The following SEPTIN9 variants were observed in gnomAD, a reference collection of about 807,000 sequenced individuals.
SEPTIN9 encodes the protein septin 9, also known as septin-9.
A neutral mutation model predicts 56.6 loss-of-function variants in SEPTIN9; 13 were observed. That is an observed-to-expected ratio of 0.23 (90% confidence interval 0.15 to 0.37). The LOEUF (loss-of-function observed/expected upper bound fraction) is 0.37. Ranked by LOEUF, SEPTIN9 falls within the 10% of genes least tolerant of loss-of-function variation. The probability of loss-of-function intolerance (pLI) is 1.00; values close to 1 mark genes in which losing one functional copy is unlikely to be tolerated. For missense variants in SEPTIN9, 650 were observed against 823.1 expected (o/e 0.79, Z 2.57); for synonymous variants, 332 against 334.1 (o/e 0.99, Z 0.07).
chr17:77,454,320 G>A (rs2144432823), intron 3 of SEPTIN9: 3 of 985,512 alleles, frequency 3.0e-6, no homozygotes, highest in South Asian at 4.7e-5. Context: ...TTCCGGCGCC[G>A]AGCTTTGATT....
rs778614342 is a variant in SEPTIN9 at position 77,405,727 on chromosome 17, C to T, written c.721+3024C>T. On this transcript the variant is annotated intron_variant, in intron 3 of 11. Transcript: ENST00000427177. This position sits in a 1 kb window ranked among gnomAD's most constrained non-coding sequence, Gnocchi z 5.8. ...GCCTGAGCCCCACTAGTTCTTCCTC[C>T]GAGGCACCACCTGCTTGCTTCTCCG... Among the ~76,000 whole-genome samples the T allele has an allele frequency of 5.3e-5, 8 of 152,102 alleles. No homozygotes were observed. The highest frequency in any genetic ancestry group is 3.9e-4 in the Admixed American group (6 of 15,272).
chr17:77,364,954 AG>A (rs1277687949), intron 2 of SEPTIN9, among the ~76,000 whole-genome samples: 3 of 152,218 alleles, frequency 2.0e-5, no homozygotes, highest in African/African-American at 7.2e-5. Flanking sequence ...AGTTCTCTAA[AG>A]GGCCCCAGAG....
chr17:77,496,600 C>T (rs117913062), intron 10 of SEPTIN9, among the ~76,000 whole-genome samples: 2,831 of 152,372 alleles, frequency 0.019, 55 homozygotes, highest in Middle Eastern at 0.065. Context: ...GCCACCAGCT[C>T]GAGCCCGAGG....
chr17:77,466,560 A>G, intron 3 of SEPTIN9: 1 of 985,532 alleles, frequency 1.0e-6, no homozygotes, highest in East Asian at 1.1e-4. Context: ...GGAGTCCCAC[A>G]GTAGGTCAAC....
Position 77,371,950 on chromosome 17 carries a change from G to A in SEPTIN9, c.77-30109G>A, listed in dbSNP as rs951899325. Among the ~76,000 whole-genome samples the A allele has an allele frequency of 1.2e-4, 18 of 152,062 alleles. No homozygotes were observed. Among genetic ancestry groups the A allele is most frequent in the African/African-American group, 4.3e-4 (18 of 41,396 alleles). On this transcript the variant is annotated intron_variant, in intron 2 of 11. Transcript: ENST00000427177. This position sits in a 1 kb window ranked among gnomAD's most constrained non-coding sequence, Gnocchi z 4.1. Reference sequence around the variant, plus strand: ...TTCCGCAAGAGACCCCCTGCCCCCCGCCTCTCCAGAATGGCTGGAGAGTCT... The same window carrying A: ...TTCCGCAAGAGACCCCCTGCCCCCCACCTCTCCAGAATGGCTGGAGAGTCT...
At chr17:77,340,090 A>G (rs1399581745) in intron 2 of SEPTIN9, among the ~76,000 whole-genome samples, 4 of 151,558 alleles carry the variant, frequency 2.6e-5, no homozygotes, top group African/African-American at 4.9e-5. Flanking sequence ...TGGCCTCCCA[A>G]AATGCTGGGA....
intron 3 of SEPTIN9, 104 bp from the exon 4 acceptor site, chr17:77,482,040 A>G: frequency 9.0e-7 from 1 of 1,106,862 alleles, no homozygotes; most frequent in Non-Finnish European, 1.3e-6. Context: ...TCTGAGCCTC[A>G]GTGCCTCAGT....
At chr17:77,380,115 C>A (rs144407412) in intron 2 of SEPTIN9, 397 of 169,600 alleles carry the variant, frequency 2.3e-3, no homozygotes, top group African/African-American at 8.9e-3. Context: ...TGCAGAGCCC[C>A]GAGGCTCCGT....
chr17:77,414,548 A>G (rs1310288535), intron 3 of SEPTIN9, among the ~76,000 whole-genome samples: 52 of 129,932 alleles, frequency 4.0e-4, no homozygotes, highest in Non-Finnish European at 4.9e-4. Flanking sequence ...CCTCCTCCAT[A>G]TTTCCTTCCT....
chr17:77,445,596 C>G lies in SEPTIN9; in HGVS notation c.722-36548C>G, dbSNP rs1294763020. On this transcript the variant is annotated intron_variant, in intron 3 of 11. Coordinates refer to ENST00000427177, the MANE Select transcript of SEPTIN9 (RefSeq NM_001113491.2). This position sits in a 1 kb window ranked among gnomAD's most constrained non-coding sequence, Gnocchi z 4.7. ...GTGAAACCACATCCCCTCCTCTCTG[C>G]TGCTGTGTTGCTGTGTGTTTCAGCA... 2.7e-6 allele frequency: 1 copy of G among 374,756 alleles called. No homozygotes were observed. The highest frequency in any genetic ancestry group is 2.1e-5 in the African/African-American group (1 of 47,040). The allele number at this position is 374,756 out of a possible 1,614,324, so 23.2% of individuals were successfully genotyped here. A position where few individuals can be genotyped will look rare whatever the true frequency, so the allele number is the denominator to read the frequency against.
chr17:77,479,736 G>A (rs1010631501), intron 3 of SEPTIN9, among the ~76,000 whole-genome samples: 3 of 150,826 alleles, frequency 2.0e-5, no homozygotes, highest in Non-Finnish European at 3.0e-5. Context: ...AGGGGGCAGC[G>A]CCTCCCCCCA....
chr17:77,317,379 C>T lies in SEPTIN9; in HGVS notation c.76+10182C>T, dbSNP rs537848338. On this transcript the variant is annotated intron_variant, in intron 2 of 11. Coordinates refer to ENST00000427177, the MANE Select transcript of SEPTIN9 (RefSeq NM_001113491.2). The surrounding 1 kb of genome is among the most constrained non-coding windows in gnomAD (Gnocchi z 4.2). ...GACTGGCAAGCGAGCGAAGCTTCAT[C>T]TGTATTTACAGTCACTCCCCATTGC... Among the ~76,000 whole-genome samples the T allele has an allele frequency of 6.6e-6, 1 of 152,350 alleles. No individual in the cohort carries two copies. Among genetic ancestry groups the T allele is most frequent in the East Asian group, 1.9e-4 (1 of 5,184 alleles).
At chr17:77,294,230 T>C (rs941027734) in intron 1 of SEPTIN9, among the ~76,000 whole-genome samples, 3 of 151,842 alleles carry the variant, frequency 2.0e-5, no homozygotes, top group Non-Finnish European at 2.9e-5. Flanking sequence ...ACCAGCCTGG[T>C]CAACATGGTG....
At chr17:77,493,152 C>T (rs1487701249) in intron 10 of SEPTIN9, 76 bp downstream of exon 10, 11 of 1,198,972 alleles carry the variant, frequency 9.2e-6, no homozygotes, top group Admixed American at 7.9e-5. Flanking sequence ...CTGTGGGCCA[C>T]GCCTGAGCCA....
In SEPTIN9 at chr17:77,475,442, G is replaced by A. The variant is rs545001632; in HGVS notation, c.722-6702G>A. On this transcript the variant is annotated intron_variant, in intron 3 of 11. Transcript: ENST00000427177. This position sits in a 1 kb window ranked among gnomAD's most constrained non-coding sequence, Gnocchi z 4.6. ...GTCCTCCTAGCATTGCCTGCATCAG[G>A]GACTCACTCAGCTTTAAGAAGCCCC... The A allele has an allele frequency of 4.1e-4, 627 of 1,524,708 alleles. 10 individuals carry two copies. The South Asian group carries it at 7.8e-3, about 19-fold the overall frequency. 94.4% of individuals were successfully genotyped at this position (1,524,708 alleles called of 1,614,324 possible).
chr17:77,485,028 T>C, intron 4 of SEPTIN9, among the ~76,000 whole-genome samples: 1 of 76,250 alleles, frequency 1.3e-5, no homozygotes, highest in Non-Finnish European at 2.5e-5. Context: ...ATTGTGATGG[T>C]GGTGAAGGGG....
intron 2 of SEPTIN9, among the ~76,000 whole-genome samples, chr17:77,393,053 A>G (rs796323277): frequency 4.6e-5 from 7 of 152,204 alleles, no homozygotes; most frequent in African/African-American, 1.4e-4. Flanking sequence ...GCCCAGGCCA[A>G]TTCTGGAGGG....
intron 1 of SEPTIN9, among the ~76,000 whole-genome samples, chr17:77,299,901 T>C (rs1294439481): frequency 3.3e-5 from 5 of 152,190 alleles, no homozygotes; most frequent in African/African-American, 1.2e-4. Flanking sequence ...CCATGGGCCT[T>C]CTTTGGCTTT....
chr17:77,454,689 C>G lies in SEPTIN9; in HGVS notation c.722-27455C>G, dbSNP rs200631672. On this transcript the variant is annotated intron_variant, in intron 3 of 11. Transcript: ENST00000427177. ...CCCAGAGTTGGCTGTTCAAACTCGC[C>G]GCCGCTCAGCCTCTTCCTCCTCTCT... Among the ~76,000 whole-genome samples, 342 of 152,330 alleles carry G rather than the reference C, an allele frequency of 2.2e-3. 11 individuals carry two copies. In the South Asian group the frequency reaches 0.056, roughly 25 times the overall value.
Sources: allele counts gnomAD v4.1 joint callset (sites outside exome capture counted in the v4.1 genomes callset), GRCh38; gene constraint gnomAD v4.1.1; non-coding constraint Gnocchi (gnomAD v3.1); transcripts MANE v1.5; gene names NCBI Gene and HGNC (gene_info 2026-07-23, HGNC 2026-07-21).